The following RANBP2 variants were observed in gnomAD, a reference collection of about 807,000 sequenced individuals.
The protein encoded by RANBP2 is E3 SUMO-protein ligase RanBP2.
A neutral mutation model predicts 303.6 loss-of-function variants in RANBP2; 57 were observed. The observed-to-expected ratio is 0.19, with a 90% CI of 0.15 to 0.23. RANBP2 has a LOEUF of 0.23. Ranked by LOEUF, RANBP2 falls within the 10% of genes least tolerant of loss-of-function variation. The pLI is 1.00. For missense variants in RANBP2, 3,138 were observed against 3,780.8 expected (o/e 0.83, Z 4.46); for synonymous variants, 1,167 against 1,301.5 (o/e 0.90, Z 2.23).
the RANBP2 span, among the ~76,000 whole-genome samples, chr2:108,926,834 T>C: frequency 6.6e-6 from 1 of 152,214 alleles, no homozygotes; most frequent in East Asian, 1.9e-4. Flanking sequence ...ATCCACAGCC[T>C]GACAGCCACT....
At chr2:108,754,004 CT>C in intron 15 of RANBP2, 33 bp downstream of exon 15, 2 of 1,611,524 alleles carry the variant, frequency 1.2e-6, no homozygotes. Context: ...TACGTTCTTA[CT>C]GATAACCCAC....
chr2:108,752,657 G>A (rs2149227911), intron 12 of RANBP2, among the ~76,000 whole-genome samples: 1 of 151,320 alleles, frequency 6.6e-6, no homozygotes, highest in South Asian at 2.1e-4. Flanking sequence ...GCCGGGCGTG[G>A]TGGCAGGCAT....
chr2:109,210,844 C>CT, the RANBP2 span, among the ~76,000 whole-genome samples: 1 of 152,228 alleles, frequency 6.6e-6, no homozygotes, highest in Non-Finnish European at 1.5e-5. Context: ...ATTTAAAAAT[C>CT]TATTTACAAC....
At chr2:108,928,593 G>A in the RANBP2 span, among the ~76,000 whole-genome samples, 6 of 152,210 alleles carry the variant, frequency 3.9e-5, 1 homozygote, top group Admixed American at 3.3e-4. Flanking sequence ...GCCACTAGGG[G>A]GAGGAAGCAG....
At chr2:108,819,669 A>G in the RANBP2 span, among the ~76,000 whole-genome samples, 185 of 152,318 alleles carry the variant, frequency 1.2e-3, no homozygotes, top group African/African-American at 4.4e-3. Context: ...CAAAACCTCT[A>G]ACTGGGCTGA....
the RANBP2 span, among the ~76,000 whole-genome samples, chr2:109,288,797 G>C: frequency 6.6e-6 from 1 of 151,658 alleles, no homozygotes; most frequent in Non-Finnish European, 1.5e-5. Flanking sequence ...GCTACTACAG[G>C]AGGACTCAAA....
chr2:109,328,649 G>T, the RANBP2 span, among the ~76,000 whole-genome samples: 8 of 152,256 alleles, frequency 5.3e-5, no homozygotes, highest in East Asian at 1.5e-3. Flanking sequence ...ACTGATATAG[G>T]AAGGGAATTC....
chr2:109,163,390 C>CTTTTTTTTTT, the RANBP2 span, among the ~76,000 whole-genome samples: 2 of 70,268 alleles, frequency 2.8e-5, no homozygotes, highest in Admixed American at 2.3e-4. Context: ...AGCAAATATT[C>CTTTTTTTTTT]TTTTTTTTTT....
chr2:108,933,636 T>C, the RANBP2 span, among the ~76,000 whole-genome samples: 106,199 of 152,124 alleles, frequency 0.7, 38,989 homozygotes, highest in Middle Eastern at 0.83. Context: ...GCCTGCACTT[T>C]AGTGTTGCAT....
At chr2:109,576,730 T>C in the RANBP2 span, among the ~76,000 whole-genome samples, 1 of 152,182 alleles carries the variant, frequency 6.6e-6, no homozygotes, top group Non-Finnish European at 1.5e-5. Context: ...TATTCAAGCA[T>C]GAAAACCGTA....
At chr2:109,024,864 T>G in the RANBP2 span, among the ~76,000 whole-genome samples, 1 of 152,226 alleles carries the variant, frequency 6.6e-6, no homozygotes, top group Admixed American at 6.5e-5. Flanking sequence ...AAACTATATA[T>G]ATAGCATATA....
At chr2:109,615,875 C>G in the RANBP2 span, 1 of 1,613,832 alleles carries the variant, frequency 6.2e-7, no homozygotes, top group Non-Finnish European at 8.5e-7. Context: ...AAGCCTCGGG[C>G]AGCTCTAGTG....
chr2:109,291,280 C>CT, the RANBP2 span, among the ~76,000 whole-genome samples: 4,367 of 137,244 alleles, frequency 0.032, 124 homozygotes, highest in Admixed American at 0.088. Context: ...AGAGTAATCT[C>CT]TTTTTTTTTT....
the RANBP2 span, among the ~76,000 whole-genome samples, chr2:109,209,879 A>G: frequency 6.6e-6 from 1 of 152,186 alleles, no homozygotes; most frequent in African/African-American, 2.4e-5. Context: ...TCTACAGTTC[A>G]GTGGCATTAA....
intron 20 of RANBP2, among the ~76,000 whole-genome samples, chr2:108,770,633 T>C (rs1486989505): frequency 6.6e-6 from 1 of 151,708 alleles, no homozygotes; most frequent in African/African-American, 2.4e-5. Context: ...AATAAATAAA[T>C]AAATAAATAA....
At chr2:109,263,456 A>C in the RANBP2 span, among the ~76,000 whole-genome samples, 29 of 152,318 alleles carry the variant, frequency 1.9e-4, no homozygotes, top group African/African-American at 7.0e-4. Context: ...TAAGTAATGA[A>C]ATAGTAGCTA....
At chr2:109,351,991 A>G in the RANBP2 span, among the ~76,000 whole-genome samples, 3 of 152,250 alleles carry the variant, frequency 2.0e-5, no homozygotes, top group Non-Finnish European at 4.4e-5. Context: ...ATAGATGGAT[A>G]AAAATCAAAT....
At chr2:108,913,602 T>C in the RANBP2 span, among the ~76,000 whole-genome samples, 2 of 151,908 alleles carry the variant, frequency 1.3e-5, no homozygotes, top group Non-Finnish European at 2.9e-5. Context: ...TTTGAAATAA[T>C]AGCTTCTTGA....
the RANBP2 span, chr2:109,129,972 T>G: frequency 4.2e-5 from 56 of 1,338,290 alleles, no homozygotes; most frequent in Non-Finnish European, 5.1e-5. Context: ...CAGGCCAGAG[T>G]GCGGCCCCCA....
Sources: gnomAD v4.1 joint callset for allele counts (sites outside exome capture counted in the v4.1 genomes callset) on GRCh38, gnomAD v4.1.1 for gene constraint, MANE v1.5 for transcripts, NCBI Gene and HGNC (gene_info 2026-07-23, HGNC 2026-07-21) for gene names.